KIF25: variants seen among roughly 807,000 people sequenced by gnomAD.
The protein encoded by KIF25 is kinesin family member 25, also known as kinesin-like protein KIF25.
A neutral mutation model predicts 32.9 loss-of-function variants in KIF25; 19 were observed. That is an observed-to-expected ratio of 0.58 (90% CI 0.40 to 0.85). The LOEUF is 0.85. KIF25 is among the 40% of genes least tolerant of loss of function. The pLI, the probability that KIF25 is intolerant of heterozygous loss-of-function variation, is 0.00. For missense variants in KIF25, 485 were observed against 507.0 expected (o/e 0.96, Z 0.42); for synonymous variants, 225 against 213.7 (o/e 1.05, Z -0.46).
Position 168,042,078 on chromosome 6 carries a change from G to C in KIF25, c.756G>C (p.Gly252=). 1 of 1,551,438 alleles carries C rather than the reference G, an allele frequency of 6.4e-7. No homozygotes were observed. The highest frequency in any genetic ancestry group is 8.7e-7 in the Non-Finnish European group (1 of 1,147,350). The change falls in exon 11 of 13, where the codon GGG becomes GGC. Residue 252 remains glycine, a synonymous_variant. Coordinates refer to ENST00000643607, the MANE Select transcript of KIF25 (RefSeq NM_030615.4). ...CCTTGGCTCCACAGCTGGTTCCTGGGAACCCCGCAGGGCATGCGGAGCAGG... is the reference window on the plus strand; with the variant it reads ...CCTTGGCTCCACAGCTGGTTCCTGGCAACCCCGCAGGGCATGCGGAGCAGG... ...QGALAPQLVP[G]NPAGHAEQVQ... is the part of the protein sequence containing the mutation.
intron 8 of KIF25, chr6:168,035,600 G>A: frequency 2.3e-6 from 1 of 430,246 alleles, no homozygotes; most frequent in South Asian, 1.6e-5. Flanking sequence ...ATGGCCAGGC[G>A]GCTGCGCCTC....
chr6:168,015,843 T>G (rs1312331349), intron 4 of KIF25, among the ~76,000 whole-genome samples: 2 of 152,172 alleles, frequency 1.3e-5, no homozygotes, highest in Non-Finnish European at 2.9e-5. Context: ...TGGGGACCCT[T>G]TGGACTCAGG....
chr6:168,031,184 A>T (rs1798936608), intron 7 of KIF25, among the ~76,000 whole-genome samples: 1 of 152,248 alleles, frequency 6.6e-6, no homozygotes, highest in Non-Finnish European at 1.5e-5. Context: ...ATTTAAAAAA[A>T]ATCTGTAAGG....
intron 4 of KIF25, among the ~76,000 whole-genome samples, chr6:168,009,145 T>G (rs906361546): frequency 6.6e-6 from 1 of 152,172 alleles, no homozygotes; most frequent in South Asian, 2.1e-4. Flanking sequence ...GGCATCCTTG[T>G]CTTATTCCAG....
In KIF25 at chr6:168,029,492, A is replaced by G. The variant is rs978810817; in HGVS notation, c.-94A>G. The stretch of plus-strand genomic sequence containing the variant: ...GTTTTCAAGTCATGATCCTTTACAG[A>G]TATACTGGCCTTCCCAGCTGACATG... On this transcript the variant is annotated splice_region_variant and 5_prime_UTR_variant, in exon 6 of 13. Coordinates refer to ENST00000643607, the MANE Select transcript of KIF25 (RefSeq NM_030615.4). The G allele has an allele frequency of 5.2e-6, 8 of 1,541,038 alleles. No individual in the cohort carries two copies. In the African/African-American group the frequency reaches 8.3e-5, roughly 16 times the overall value.
chr6:168,042,605 A>T lies in KIF25; in HGVS notation c.874A>T (p.Ile292Phe), dbSNP rs1304694733. ...TGLALREMAC[I>F]SRSLAALAGV... ...GTTGGCCCTGAGGGAGATGGCGTGCATCAGCCGCAGCCTTGCGGCCCTGGC... is the reference window on the plus strand; with the variant it reads ...GTTGGCCCTGAGGGAGATGGCGTGCTTCAGCCGCAGCCTTGCGGCCCTGGC... The change falls in exon 12 of 13, where the codon ATC (isoleucine) becomes TTC (phenylalanine). Residue 292 changes from isoleucine (I) to phenylalanine (F), a missense_variant. Physicochemically the swap from Ile to Phe is conservative, Grantham distance 21 (BLOSUM62 0). Transcript: ENST00000643607. 2 of 1,613,972 alleles carry T rather than the reference A, an allele frequency of 1.2e-6. No individual in the cohort carries two copies. The highest frequency in any genetic ancestry group is 1.7e-6 in the Non-Finnish European group (2 of 1,180,002).
intron 4 of KIF25, among the ~76,000 whole-genome samples, chr6:168,007,293 T>C (rs1798592490): frequency 6.6e-6 from 1 of 152,068 alleles, no homozygotes; most frequent in Non-Finnish European, 1.5e-5. Context: ...GCGCCTGTAG[T>C]CCCAGCTACT....
chr6:168,002,477 T>C (rs1798521719), intron 2 of KIF25, 66 bp from the exon 3 acceptor site: 1 of 152,298 alleles, frequency 6.6e-6, no homozygotes, highest in Admixed American at 6.5e-5. Context: ...CATAAACGTG[T>C]GTGTGGACTG....
At chr6:168,029,809 C>T (rs1798916125) in intron 6 of KIF25, 132 bp downstream of exon 6, 1 of 1,152,366 alleles carries the variant, frequency 8.7e-7, no homozygotes, top group Non-Finnish European at 1.2e-6. Flanking sequence ...AAAAAGATCT[C>T]AGCCCTGAGC....
chr6:168,033,083 T>C lies in KIF25; in HGVS notation c.168-799T>C, dbSNP rs189063716. On this transcript the variant is annotated intron_variant, in intron 7 of 12. Transcript: ENST00000643607. ...TCTGAAATAAGCTGCAGTTAGCTAA[T>C]TGAGAGTCTTGGGGCCGAGAGGCAG... Among the ~76,000 whole-genome samples, 10 of 152,320 alleles carry C rather than the reference T, an allele frequency of 6.6e-5. No individual in the cohort carries two copies. In the East Asian group the frequency reaches 1.2e-3, roughly 18 times the overall value.
intron 5 of KIF25, among the ~76,000 whole-genome samples, chr6:168,029,105 C>T (rs1182223350): frequency 6.6e-6 from 1 of 152,186 alleles, no homozygotes; most frequent in East Asian, 1.9e-4. Flanking sequence ...CCAATCATAG[C>T]TCGTTGCAAT....
chr6:168,033,940 C>A lies in KIF25; in HGVS notation c.226C>A (p.Leu76Met), dbSNP rs1306395721. 1 of 1,614,148 alleles carries A rather than the reference C, an allele frequency of 6.2e-7. No homozygotes were observed. Among genetic ancestry groups the A allele is most frequent in the Non-Finnish European group, 8.5e-7 (1 of 1,180,026 alleles). ...QTGSGKSYTM[L>M]GRHSDDGPVL... ...GGGCAGCGGAAAGAGCTATACCATG[C>A]TGGGACGCCATTCGGACGACGGCCC... is the stretch of plus-strand genomic sequence containing the variant. The change falls in exon 8 of 13, where the codon CTG (leucine) becomes ATG (methionine). Residue 76 changes from leucine (L) to methionine (M), a missense_variant. By Grantham distance (15) the Leu-to-Met change is conservative. Transcript: ENST00000643607.
In KIF25 at chr6:168,044,922, C is replaced by T. The variant is rs374321260; in HGVS notation, c.1081C>T (p.Arg361Trp). The change falls in exon 13 of 13, where the codon CGG (arginine) becomes TGG (tryptophan). Residue 361 changes from arginine to tryptophan, a missense_variant. Coordinates refer to ENST00000643607, the MANE Select transcript of KIF25 (RefSeq NM_030615.4). Reference protein sequence around the residue: ...LQGLGFGIRARQVQRGPARKK... With the variant: ...LQGLGFGIRAWQVQRGPARKK... The stretch of plus-strand genomic sequence containing the variant: ...GGGCCTGGGTTTCGGGATCCGAGCT[C>T]GGCAAGTCCAGCGAGGCCCTGCCCG... The T allele has an allele frequency of 5.3e-5, 86 of 1,612,956 alleles. No homozygotes were observed. The highest frequency in any genetic ancestry group is 8.9e-5 in the East Asian group (4 of 44,856).
chr6:168,044,660 C>T (rs897192376), intron 12 of KIF25, among the ~76,000 whole-genome samples, 167 bp from the exon 13 acceptor site: 2 of 152,270 alleles, frequency 1.3e-5, no homozygotes, highest in Non-Finnish European at 2.9e-5. Flanking sequence ...GGCTGCTGAC[C>T]CTCCTGGACC....
intron 5 of KIF25, among the ~76,000 whole-genome samples, chr6:168,027,649 A>G (rs1302932737): frequency 6.6e-6 from 1 of 152,048 alleles, no homozygotes; most frequent in Non-Finnish European, 1.5e-5. Context: ...CCAGCTTCCC[A>G]CTGGCACCGG....
intron 12 of KIF25, among the ~76,000 whole-genome samples, chr6:168,043,105 C>T (rs1799155668): frequency 6.6e-6 from 1 of 152,158 alleles, no homozygotes; most frequent in Non-Finnish European, 1.5e-5. Context: ...CTTTTGGGGG[C>T]AGGTGCCAGA....
chr6:168,012,601 G>A (rs369004860), intron 4 of KIF25, among the ~76,000 whole-genome samples: 181 of 152,302 alleles, frequency 1.2e-3, no homozygotes, highest in African/African-American at 3.9e-3. Context: ...CTGTTCCTCC[G>A]GCCAGAAGCA....
intron 7 of KIF25, among the ~76,000 whole-genome samples, chr6:168,031,110 A>T (rs887854420): frequency 6.6e-6 from 1 of 152,214 alleles, no homozygotes; most frequent in African/African-American, 2.4e-5. Flanking sequence ...CTTTAGTTAC[A>T]GTGCATGTGG....
At chr6:168,043,689 C>T (rs1799166544) in intron 12 of KIF25, among the ~76,000 whole-genome samples, 1 of 152,216 alleles carries the variant, frequency 6.6e-6, no homozygotes, top group African/African-American at 2.4e-5. Flanking sequence ...GGGTCAGGGG[C>T]ACAGCCCACC....
Sources: gnomAD v4.1 joint callset for allele counts (sites outside exome capture counted in the v4.1 genomes callset) on GRCh38, gnomAD v4.1.1 for gene constraint, MANE v1.5 for transcripts, NCBI Gene and HGNC (gene_info 2026-07-23, HGNC 2026-07-21) for gene names.